Variants in RTF1 observed in about 807,000 individuals in gnomAD.
RTF1 encodes RNA polymerase-associated protein RTF1 homolog.
In RTF1, 10 loss-of-function variants were observed where a neutral mutation model predicts 95.7. The observed-to-expected ratio is 0.10, with a 90% CI of 0.06 to 0.18. RTF1 has a LOEUF of 0.18. Ranked by LOEUF, RTF1 falls within the 10% of genes least tolerant of loss-of-function variation. The pLI, the probability that RTF1 is intolerant of heterozygous loss-of-function variation, is 1.00. For synonymous variants in RTF1, 305 were observed against 311.8 expected, an observed-to-expected ratio of 0.98 and a Z score of 0.23; for missense variants, 458 against 875.6, an observed-to-expected ratio of 0.52 and a Z score of 6.02.
At chr15:41,456,306 GA>G (rs1392026980) in intron 3 of RTF1, among the ~76,000 whole-genome samples, 1 of 150,826 alleles carries the variant, frequency 6.6e-6, no homozygotes, top group African/African-American at 2.4e-5. Context: ...CTAACATGGT[GA>G]AACCCCATCT....
Position 41,417,110 on chromosome 15 carries a change from G to C in RTF1, c.-6G>C. 8.1e-7 allele frequency: 1 copy of C among 1,237,414 alleles called. No homozygotes were observed. Among genetic ancestry groups the C allele is most frequent in the Non-Finnish European group, 1.0e-6 (1 of 986,874 alleles). 76.7% of individuals were successfully genotyped at this position (1,237,414 alleles called of 1,614,324 possible). A position where few individuals can be genotyped will look rare whatever the true frequency, so the allele number is the denominator to read the frequency against. On this transcript the variant is annotated 5_prime_UTR_variant, in exon 1 of 18. Coordinates refer to ENST00000389629, the MANE Select transcript of RTF1 (RefSeq NM_015138.5). ...GGCGGGGCCAGGGGGGCGGAGCGGA[G>C]CGCGCATGCGCGGTCGCCTTTGTGT...
intron 3 of RTF1, among the ~76,000 whole-genome samples, chr15:41,456,915 C>T (rs141689374): frequency 1.2e-3 from 181 of 152,042 alleles, no homozygotes; most frequent in African/African-American, 4.2e-3. Flanking sequence ...GAAACCCCAT[C>T]TCTACTAAAA....
chr15:41,426,306 GTTTT>G (rs999494869), intron 1 of RTF1, among the ~76,000 whole-genome samples: 1 of 149,522 alleles, frequency 6.7e-6, no homozygotes, highest in Non-Finnish European at 1.5e-5. Context: ...TTGATTGTTT[GTTTT>G]TATTTTTTTT....
intron 3 of RTF1, among the ~76,000 whole-genome samples, chr15:41,453,743 A>G (rs1008328418): frequency 4.1e-5 from 6 of 144,588 alleles, no homozygotes; most frequent in Admixed American, 1.4e-4. Context: ...AAAAAGTAGG[A>G]AAAAAAAAAA....
Position 41,476,426 on chromosome 15 carries a change from G to A in RTF1, c.1483-20G>A. On this transcript the variant is annotated intron_variant, in intron 11 of 17. Transcript: ENST00000389629. ...ATAGCTTAGGAATACCTCACTGCTG[G>A]TATCTCCTCTCTGGTACAGATTGTA... is the stretch of plus-strand genomic sequence containing the variant. The A allele has an allele frequency of 6.2e-7, 1 of 1,606,556 alleles. No homozygotes were observed. The highest frequency in any genetic ancestry group is 8.5e-7 in the Non-Finnish European group (1 of 1,173,466).
In RTF1 at chr15:41,417,149, G is replaced by C. The variant is rs1326402956; in HGVS notation, c.34G>C (p.Ala12Pro). The change falls in exon 1 of 18, where the codon GCG (alanine) becomes CCG (proline). Residue 12 changes from alanine (A) to proline (P), a missense_variant. By Grantham distance (27) the Ala-to-Pro change is conservative. Around this residue, in one of 11 missense-constraint regions of RTF1, gnomAD observed 81 missense variants for 59.9 expected, o/e 1.35. Transcript: ENST00000389629. ...RGRLCVGRAA[A>P]AAAAVAVPLA... ...TCGCCTTTGTGTGGGTCGAGCAGCGGCGGCGGCGGCGGCAGTGGCGGTCCC... is the reference window on the plus strand; with the variant it reads ...TCGCCTTTGTGTGGGTCGAGCAGCGCCGGCGGCGGCGGCAGTGGCGGTCCC... 2 of 1,259,468 alleles carry C rather than the reference G, an allele frequency of 1.6e-6. No individual in the cohort carries two copies. The highest frequency in any genetic ancestry group is 3.1e-5 in the African/African-American group (2 of 64,490). 78.0% of individuals were successfully genotyped at this position (1,259,468 alleles called of 1,614,324 possible). A position where few individuals can be genotyped will look rare whatever the true frequency, so the allele number is the denominator to read the frequency against.
At chr15:41,471,067 C>CAGA (rs2050909136) in intron 7 of RTF1, 105 bp from the exon 8 acceptor site, 4 of 1,045,558 alleles carry the variant, frequency 3.8e-6, no homozygotes, top group Non-Finnish European at 5.6e-6. Flanking sequence ...CCTCCTAGGC[C>CAGA]AGTCACATGT....
chr15:41,479,594 C>T (rs1478955437), intron 16 of RTF1, among the ~76,000 whole-genome samples: 1 of 152,176 alleles, frequency 6.6e-6, no homozygotes, highest in Non-Finnish European at 1.5e-5. Context: ...GGCGCAGTGG[C>T]TCATGCCTGT....
chr15:41,420,657 C>G (rs897392871), intron 1 of RTF1, among the ~76,000 whole-genome samples: 2 of 152,070 alleles, frequency 1.3e-5, no homozygotes, highest in African/African-American at 4.8e-5. Flanking sequence ...AGATGGGAAT[C>G]TGAGCCATTA....
chr15:41,474,541 A>G (rs2050932758), intron 8 of RTF1, 79 bp from the exon 9 acceptor site: 1 of 989,374 alleles, frequency 1.0e-6, no homozygotes, highest in Non-Finnish European at 1.6e-6. Flanking sequence ...GCGTTCAGGT[A>G]GAGAGACGCA....
chr15:41,433,986 C>T (rs1331958577), intron 1 of RTF1, among the ~76,000 whole-genome samples: 1 of 151,784 alleles, frequency 6.6e-6, no homozygotes. Context: ...GCTAGGATTA[C>T]AGGCATGCAC....
intron 2 of RTF1, among the ~76,000 whole-genome samples, chr15:41,448,326 A>G (rs2069113803): frequency 6.6e-6 from 1 of 152,100 alleles, no homozygotes; most frequent in Admixed American, 6.6e-5. Flanking sequence ...ATCATTTATC[A>G]TTGAGTGGTG....
At chr15:41,442,924 A>G (rs2050742978) in intron 2 of RTF1, among the ~76,000 whole-genome samples, 1 of 152,168 alleles carries the variant, frequency 6.6e-6, no homozygotes, top group Non-Finnish European at 1.5e-5. Flanking sequence ...GCAATTTTCC[A>G]TCAGAGGAAG....
At chr15:41,474,545 A>G in intron 8 of RTF1, 75 bp from the exon 9 acceptor site, 1 of 1,011,422 alleles carries the variant, frequency 9.9e-7, no homozygotes. Flanking sequence ...TCAGGTAGAG[A>G]GACGCAAAGG....
intron 1 of RTF1, among the ~76,000 whole-genome samples, chr15:41,420,593 C>T (rs7172148): frequency 0.05 from 7,681 of 152,112 alleles, 236 homozygotes; most frequent in East Asian, 0.16. Flanking sequence ...CACTGAGTAT[C>T]TAGTGTGGAT....
At chr15:41,422,437 A>G (rs1043222478) in intron 1 of RTF1, among the ~76,000 whole-genome samples, 3 of 152,178 alleles carry the variant, frequency 2.0e-5, no homozygotes, top group Non-Finnish European at 2.9e-5. Context: ...GTTGGTGCCT[A>G]TTGGGAAATA....
chr15:41,461,397 GT>G (rs1189935305), intron 4 of RTF1, among the ~76,000 whole-genome samples: 1 of 151,902 alleles, frequency 6.6e-6, no homozygotes, highest in Admixed American at 6.6e-5. Context: ...GGCCAGGCTG[GT>G]TTCCAAGTCC....
At chr15:41,455,083 A>G (rs959006608) in intron 3 of RTF1, among the ~76,000 whole-genome samples, 7 of 152,160 alleles carry the variant, frequency 4.6e-5, no homozygotes, top group Non-Finnish European at 7.3e-5. Context: ...TGGGAGGCCA[A>G]GGCAGGCGGA....
At chr15:41,435,521 T>C (rs2050697616) in intron 1 of RTF1, among the ~76,000 whole-genome samples, 1 of 152,140 alleles carries the variant, frequency 6.6e-6, no homozygotes, top group African/African-American at 2.4e-5. Context: ...GTTGATATAA[T>C]TTGCATTTGG....
Sources: allele counts gnomAD v4.1 joint callset (sites outside exome capture counted in the v4.1 genomes callset), GRCh38; gene constraint gnomAD v4.1.1; regional missense constraint gnomAD v4.1.1; transcripts MANE v1.5; gene names NCBI Gene and HGNC (gene_info 2026-07-23, HGNC 2026-07-21).